Variants in PAMR1 observed in about 807,000 individuals in gnomAD.
The protein encoded by PAMR1 is inactive serine protease PAMR1.
Under a neutral mutation model 81.8 loss-of-function variants are expected in PAMR1, and 88 were observed. The observed-to-expected ratio is 1.08, with a 90% confidence interval of 0.91 to 1.28. The LOEUF (loss-of-function observed/expected upper bound fraction) is 1.28. Among genes scored for constraint, PAMR1 ranks in the 50% most tolerant of loss-of-function variants. The probability of loss-of-function intolerance (pLI) is 0.00; values close to 1 mark genes in which losing one functional copy is unlikely to be tolerated. For synonymous variants in PAMR1, 336 were observed against 345.3 expected, an observed-to-expected ratio of 0.97 and a Z score of 0.30; for missense variants, 935 against 919.7, an observed-to-expected ratio of 1.02 and a Z score of -0.21.
chr11:35,470,990 G>A (rs1232524068), intron 4 of PAMR1, among the ~76,000 whole-genome samples, 172 bp from the exon 5 acceptor site: 1 of 152,204 alleles, frequency 6.6e-6, no homozygotes, highest in Non-Finnish European at 1.5e-5. Flanking sequence ...TAGCAGAGGA[G>A]TATGTATTTG....
intron 1 of PAMR1, among the ~76,000 whole-genome samples, chr11:35,497,971 G>A (rs1830589110): frequency 6.6e-6 from 1 of 152,152 alleles, no homozygotes; most frequent in Non-Finnish European, 1.5e-5. Context: ...AAGGCCACAG[G>A]ATGGAAATAA....
chr11:35,472,540 G>A (rs924971128), intron 4 of PAMR1, among the ~76,000 whole-genome samples: 2 of 152,166 alleles, frequency 1.3e-5, no homozygotes, highest in South Asian at 2.1e-4. Flanking sequence ...GCTGAGTGCC[G>A]TGAATCAAAT....
chr11:35,448,422 G>T (rs368489767), intron 6 of PAMR1, among the ~76,000 whole-genome samples: 22 of 151,562 alleles, frequency 1.5e-4, no homozygotes, highest in South Asian at 6.2e-4. Context: ...CCTCCATTTT[G>T]TCTATTCAGC....
chr11:35,452,240 T>C (rs1353299428), intron 6 of PAMR1, among the ~76,000 whole-genome samples: 2 of 151,950 alleles, frequency 1.3e-5, no homozygotes, highest in Admixed American at 6.6e-5. Flanking sequence ...AGTAGATAAG[T>C]TTAATAGCAA....
At chr11:35,447,856 A>G (rs1856330465) in intron 6 of PAMR1, among the ~76,000 whole-genome samples, 1 of 152,130 alleles carries the variant, frequency 6.6e-6, no homozygotes, top group Non-Finnish European at 1.5e-5. Context: ...AAATTCCCTC[A>G]GCATTTGCTT....
intron 1 of PAMR1, among the ~76,000 whole-genome samples, chr11:35,522,926 C>A (rs536895323): frequency 1.3e-5 from 2 of 152,318 alleles, no homozygotes; most frequent in Non-Finnish European, 2.9e-5. Flanking sequence ...TAAATGTTTG[C>A]TTGATGTTTA....
At chr11:35,448,049 G>A (rs1330290400) in intron 6 of PAMR1, among the ~76,000 whole-genome samples, 1 of 152,132 alleles carries the variant, frequency 6.6e-6, no homozygotes, top group Non-Finnish European at 1.5e-5. Flanking sequence ...AGGTGACCTT[G>A]CCTTTCTCTC....
At chr11:35,480,507 C>T (rs1480731055) in intron 3 of PAMR1, among the ~76,000 whole-genome samples, 1 of 152,134 alleles carries the variant, frequency 6.6e-6, no homozygotes, top group African/African-American at 2.4e-5. Context: ...GTTCCCTGAT[C>T]TTTTCTTCTA....
intron 1 of PAMR1, among the ~76,000 whole-genome samples, chr11:35,509,270 T>G (rs1351116688): frequency 1.3e-5 from 2 of 152,228 alleles, no homozygotes; most frequent in Non-Finnish European, 2.9e-5. Context: ...TTGAGAAATA[T>G]TTCAAGTTAA....
At chr11:35,518,139 G>A (rs1478195534) in intron 1 of PAMR1, among the ~76,000 whole-genome samples, 1 of 152,068 alleles carries the variant, frequency 6.6e-6, no homozygotes, top group Non-Finnish European at 1.5e-5. Context: ...ACACCATTGA[G>A]AAGCAGGCAG....
At chr11:35,487,574 G>A (rs1019317063) in intron 3 of PAMR1, among the ~76,000 whole-genome samples, 4 of 152,164 alleles carry the variant, frequency 2.6e-5, no homozygotes, top group Non-Finnish European at 5.9e-5. Flanking sequence ...CCTCCGTCTC[G>A]CTTGGATATG....
At chr11:35,439,200 C>A (rs928214459) in intron 8 of PAMR1, among the ~76,000 whole-genome samples, 1 of 152,178 alleles carries the variant, frequency 6.6e-6, no homozygotes, top group Non-Finnish European at 1.5e-5. Context: ...TTCTTGGGCT[C>A]CCCCAGCCTG....
intron 6 of PAMR1, among the ~76,000 whole-genome samples, chr11:35,467,603 A>G (rs1168458758): frequency 6.6e-6 from 1 of 152,238 alleles, no homozygotes; most frequent in African/African-American, 2.4e-5. Flanking sequence ...AAGTTATGCA[A>G]TAAGTCACAT....
chr11:35,479,233 A>AT (rs1446893106), intron 3 of PAMR1, among the ~76,000 whole-genome samples: 2 of 152,128 alleles, frequency 1.3e-5, no homozygotes, highest in Non-Finnish European at 2.9e-5. Context: ...AGGCATTTGC[A>AT]TTTTCTTTCC....
At chr11:35,438,556 G>A (rs1856099626) in intron 8 of PAMR1, among the ~76,000 whole-genome samples, 1 of 152,190 alleles carries the variant, frequency 6.6e-6, no homozygotes, top group Non-Finnish European at 1.5e-5. Context: ...ACCTTTGTTT[G>A]TCAATCCAAT....
chr11:35,435,941 G>A lies in PAMR1; in HGVS notation c.1295C>T (p.Thr432Ile). ...TGGTGCCCGCCCACTCCACTTCCCAGTCCTCAGACATGTCCTCCTGCTGCT... is the reference window on the plus strand; with the variant it reads ...TGGTGCCCGCCCACTCCACTTCCCAATCCTCAGACATGTCCTCCTGCTGCT... ...LGSSRRTCLR[T>I]GKWSGRAPSC... Residue 432 changes from threonine to isoleucine, a missense_variant, in exon 9 of 11, where the codon ACT becomes ATT. Coordinates refer to ENST00000619888, the MANE Select transcript of PAMR1 (RefSeq NM_001001991.3). 6.2e-7 allele frequency: 1 copy of A among 1,614,190 alleles called. No homozygotes were observed. The highest frequency in any genetic ancestry group is 8.5e-7 in the Non-Finnish European group (1 of 1,180,018).
intron 1 of PAMR1, among the ~76,000 whole-genome samples, chr11:35,507,040 T>C (rs645835): frequency 0.11 from 3,318 of 29,726 alleles, 212 homozygotes; most frequent in East Asian, 0.46. Context: ...ATAGCCTGAC[T>C]TTTTTTTTTT....
At chr11:35,527,338 C>G (rs547795753), upstream of PAMR1, among the ~76,000 whole-genome samples, 2 of 152,134 alleles carry the variant, frequency 1.3e-5, no homozygotes, top group East Asian at 3.9e-4. Flanking sequence ...AATAAGATTA[C>G]GCATGTAAGG....
chr11:35,522,509 G>A (rs557120122), intron 1 of PAMR1, among the ~76,000 whole-genome samples: 1 of 152,292 alleles, frequency 6.6e-6, no homozygotes, highest in African/African-American at 2.4e-5. Context: ...GTTCATCTGT[G>A]TTATAGCACG....
Sources: allele counts gnomAD v4.1 joint callset (sites outside exome capture counted in the v4.1 genomes callset), GRCh38; gene constraint gnomAD v4.1.1; transcripts MANE v1.5; gene names NCBI Gene and HGNC (gene_info 2026-07-23, HGNC 2026-07-21).